Variants in PPP2CB observed in about 807,000 individuals in gnomAD.
The protein encoded by PPP2CB is protein phosphatase 2 catalytic subunit beta, also known as serine/threonine-protein phosphatase 2A catalytic subunit beta isoform.
Under a neutral mutation model 39.1 loss-of-function variants are expected in PPP2CB, and 18 were observed. That is an observed-to-expected ratio of 0.46 (90% CI 0.32 to 0.68). PPP2CB has a LOEUF of 0.68. Ranked by LOEUF, PPP2CB falls within the 30% of genes least tolerant of loss-of-function variation. PPP2CB has a pLI of 0.04. For synonymous variants in PPP2CB, 129 were observed against 133.8 expected, an observed-to-expected ratio of 0.96 and a Z score of 0.25; for missense variants, 226 against 396.9, an observed-to-expected ratio of 0.57 and a Z score of 3.66.
At chr8:30,791,429 G>A (rs144684069) in intron 5 of PPP2CB, 114 bp from the exon 6 acceptor site, 333 of 745,446 alleles carry the variant, frequency 4.5e-4, no homozygotes, top group African/African-American at 3.8e-3. Context: ...AAATGTAGTC[G>A]TCTATATTAC....
At chr8:30,797,538 T>G (rs1336631218) in intron 3 of PPP2CB, 43 bp downstream of exon 3, 2 of 1,525,544 alleles carry the variant, frequency 1.3e-6, no homozygotes, top group Non-Finnish European at 8.9e-7. Context: ...CAATCTCTGC[T>G]TCCATTTACC....
In PPP2CB at chr8:30,799,624, T is replaced by C; in HGVS notation, c.234A>G (p.Thr78=). 2 of 1,614,076 alleles carry C rather than the reference T, an allele frequency of 1.2e-6. No homozygotes were observed. The highest frequency in any genetic ancestry group is 1.7e-6 in the Non-Finnish European group (2 of 1,179,942). ...LFRIGGKSPD[T]NYLFMGDYVD... ...CATAGTCACCCATGAATAAGTAGTTTGTATCCGGTGATTTTCCACCAATTC... is the reference window on the plus strand; with the variant it reads ...CATAGTCACCCATGAATAAGTAGTTCGTATCCGGTGATTTTCCACCAATTC... Residue 78 remains threonine, a synonymous_variant, in exon 2 of 7, where the codon ACA becomes ACG. Coordinates refer to ENST00000221138, the MANE Select transcript of PPP2CB (RefSeq NM_001009552.2).
intron 3 of PPP2CB, among the ~76,000 whole-genome samples, chr8:30,795,235 C>T (rs1295585964): frequency 6.6e-6 from 1 of 151,692 alleles, no homozygotes; most frequent in Non-Finnish European, 1.5e-5. Flanking sequence ...CCTGCCTGAG[C>T]CTCCTGAGTA....
intron 1 of PPP2CB, among the ~76,000 whole-genome samples, chr8:30,807,717 A>C (rs766348292): frequency 1.3e-5 from 2 of 152,234 alleles, no homozygotes; most frequent in African/African-American, 4.8e-5. Flanking sequence ...TTCTAGTCAC[A>C]GAGTGTCCTG....
chr8:30,795,607 G>A lies in PPP2CB; in HGVS notation c.487-1326C>T, dbSNP rs1299101514. On this transcript the variant is annotated intron_variant, in intron 3 of 6. Transcript: ENST00000221138. ...GGCATTGAGGTTATACTAGGCATACGGTGTGAGTTTTGAACTCTCCATCTT... is the reference window on the plus strand; with the variant it reads ...GGCATTGAGGTTATACTAGGCATACAGTGTGAGTTTTGAACTCTCCATCTT... Among the ~76,000 whole-genome samples, 4 of 152,048 alleles carry A rather than the reference G, an allele frequency of 2.6e-5. 1 individual carries two copies. The East Asian group carries it at 7.7e-4, about 29-fold the overall frequency.
chr8:30,790,492 A>G (rs1166428855), intron 6 of PPP2CB, among the ~76,000 whole-genome samples: 3 of 152,218 alleles, frequency 2.0e-5, no homozygotes, highest in Non-Finnish European at 2.9e-5. Context: ...CCTAAGTAAG[A>G]TAAGTCCTCT....
intron 1 of PPP2CB, among the ~76,000 whole-genome samples, chr8:30,809,127 T>C (rs1806780191): frequency 1.3e-5 from 2 of 151,646 alleles, no homozygotes; most frequent in South Asian, 4.2e-4. Flanking sequence ...TTGGCCAGGC[T>C]GGTCTTGAAC....
Position 30,812,582 on chromosome 8 carries a change from G to A in PPP2CB, c.-161C>T, listed in dbSNP as rs938886533. 1.9e-5 allele frequency: 7 copies of A among 368,782 alleles called. No individual in the cohort carries two copies. The highest frequency in any genetic ancestry group is 1.3e-4 in the African/African-American group (6 of 46,284). 22.8% of individuals were successfully genotyped at this position (368,782 alleles called of 1,614,324 possible). A position where few individuals can be genotyped will look rare whatever the true frequency, so the allele number is the denominator to read the frequency against. ...ACTGAGCCGGGTAGGGCGGCCGCGGGCCCCGCGCCCCGCCCAAGCCCAGCA... is the reference window on the plus strand; with the variant it reads ...ACTGAGCCGGGTAGGGCGGCCGCGGACCCCGCGCCCCGCCCAAGCCCAGCA... On this transcript the variant is annotated 5_prime_UTR_variant, in exon 1 of 7. Coordinates refer to ENST00000221138, the MANE Select transcript of PPP2CB (RefSeq NM_001009552.2).
At chr8:30,794,943 G>T (rs909296586) in intron 3 of PPP2CB, among the ~76,000 whole-genome samples, 1 of 151,944 alleles carries the variant, frequency 6.6e-6, no homozygotes, top group African/African-American at 2.4e-5. Context: ...ATGTTTATAC[G>T]TTTTAATTCT....
At chr8:30,810,200 T>G (rs1206074903) in intron 1 of PPP2CB, 2 of 152,430 alleles carry the variant, frequency 1.3e-5, no homozygotes, top group Admixed American at 1.3e-4. Context: ...CTCGCGCCTG[T>G]AATCCCAGCA....
At chr8:30,808,877 T>A (rs1806770090) in intron 1 of PPP2CB, among the ~76,000 whole-genome samples, 1 of 151,986 alleles carries the variant, frequency 6.6e-6, no homozygotes. Context: ...CTTCCTTTAG[T>A]TAACATTCAC....
At chr8:30,804,342 T>C (rs1001881811) in intron 1 of PPP2CB, among the ~76,000 whole-genome samples, 7 of 152,190 alleles carry the variant, frequency 4.6e-5, no homozygotes, top group African/African-American at 1.7e-4. Context: ...GGTCTGGCCT[T>C]TGCCCCTGGA....
intron 1 of PPP2CB, among the ~76,000 whole-genome samples, chr8:30,808,475 T>C (rs1215224202): frequency 1.3e-5 from 2 of 152,190 alleles, no homozygotes; most frequent in Non-Finnish European, 2.9e-5. Flanking sequence ...TGTAACTTCC[T>C]ATAGAATAGT....
chr8:30,812,770 C>T lies in PPP2CB; in HGVS notation c.-349G>A, dbSNP rs1307452845. On this transcript the variant is annotated 5_prime_UTR_variant, in exon 1 of 7. Transcript: ENST00000221138. ...GAAGGCCGCCCGCTGCCGCTTCAGG[C>T]CCGCCTCACGCCTACCGGCCTCTCC... 6.4e-6 allele frequency: 3 copies of T among 468,470 alleles called. No individual in the cohort carries two copies. Among genetic ancestry groups the T allele is most frequent in the Admixed American group, 4.7e-5 (2 of 42,926 alleles). The allele number at this position is 468,470 out of a possible 1,614,324, so 29.0% of individuals were successfully genotyped here.
At chr8:30,791,561 T>A (rs1806429628) in intron 5 of PPP2CB, 1 of 311,898 alleles carries the variant, frequency 3.2e-6, no homozygotes, top group Non-Finnish European at 5.8e-6. Context: ...ATGCTTGAAA[T>A]CTTGGCAAGG....
chr8:30,785,749 A>G lies in PPP2CB; in HGVS notation c.*486T>C, dbSNP rs1387631925. ...TTTAAATGAAGGGAAATCTCTTTAAATGTTATGACAACATACTCCCAAGAA... is the reference window on the plus strand; with the variant it reads ...TTTAAATGAAGGGAAATCTCTTTAAGTGTTATGACAACATACTCCCAAGAA... On this transcript the variant is annotated 3_prime_UTR_variant, in exon 7 of 7. Coordinates refer to ENST00000221138, the MANE Select transcript of PPP2CB (RefSeq NM_001009552.2). 2 of 265,016 alleles carry G rather than the reference A, an allele frequency of 7.5e-6. No homozygotes were observed. Among genetic ancestry groups the G allele is most frequent in the Middle Eastern group, 1.4e-3 (1 of 736 alleles). The allele number at this position is 265,016 out of a possible 1,614,324, so 16.4% of individuals were successfully genotyped here.
intron 1 of PPP2CB, among the ~76,000 whole-genome samples, chr8:30,800,105 A>T (rs1806595130): frequency 6.6e-6 from 1 of 152,244 alleles, no homozygotes; most frequent in African/African-American, 2.4e-5. Flanking sequence ...AATCCAGTTT[A>T]TACATGTTCA....
At chr8:30,806,046 A>ATTT (rs1217819037) in intron 1 of PPP2CB, among the ~76,000 whole-genome samples, 1 of 137,260 alleles carries the variant, frequency 7.3e-6, no homozygotes. Context: ...GGTTAATATG[A>ATTT]TTTTTTTTTT....
At chr8:30,799,902 AGGC>A in intron 1 of PPP2CB, 147 bp from the exon 2 acceptor site, 2 of 644,614 alleles carry the variant, frequency 3.1e-6, no homozygotes, top group Non-Finnish European at 2.7e-6. Context: ...TTCATTAGAA[AGGC>A]TATAATAAAA....
Sources: gnomAD v4.1 joint callset for allele counts (sites outside exome capture counted in the v4.1 genomes callset) on GRCh38, gnomAD v4.1.1 for gene constraint, MANE v1.5 for transcripts, NCBI Gene and HGNC (gene_info 2026-07-23, HGNC 2026-07-21) for gene names.